Variants in COLQ observed in about 807,000 individuals in gnomAD.
The protein encoded by COLQ is acetylcholinesterase collagenic tail peptide.
A neutral mutation model predicts 69.0 loss-of-function variants in COLQ; 48 were observed. That is an observed-to-expected ratio of 0.70 (90% CI 0.55 to 0.88). The LOEUF is 0.88. Among genes scored for constraint, COLQ ranks in the 40% least tolerant of loss-of-function variants. COLQ has a pLI of 0.00. For synonymous variants in COLQ, 217 were observed against 211.2 expected, an observed-to-expected ratio of 1.03 and a Z score of -0.24; for missense variants, 618 against 594.6, an observed-to-expected ratio of 1.04 and a Z score of -0.41.
intron 1 of COLQ, among the ~76,000 whole-genome samples, chr3:15,502,763 ACTCTG>A (rs2062848984): frequency 6.6e-6 from 1 of 152,004 alleles, no homozygotes; most frequent in Admixed American, 6.6e-5. Flanking sequence ...GTTAAGAAGG[ACTCTG>A]AGGAAAGAGG....
At chr3:15,506,111 G>T (rs879736986) in intron 1 of COLQ, among the ~76,000 whole-genome samples, 1 of 152,180 alleles carries the variant, frequency 6.6e-6, no homozygotes, top group Admixed American at 6.5e-5. Context: ...GGAGCCTAGG[G>T]TTGATCCCTT....
At position 15,470,544 on chromosome 3, in the gene COLQ, C is replaced by T; in HGVS notation, c.709G>A (p.Gly237Ser). ...AGCCCTGGGATCCTTACCTGCTTGC[C>T]TCGTTTTCCTGGTCTTCCTGTGGGT... ...RGPTGRPGKR[G>S]KQGQKGDSGV... is the part of the protein sequence containing the mutation. Residue 237 changes from glycine (G) to serine (S), a missense_variant, in exon 11 of 17, where the codon GGC becomes AGC. Transcript: ENST00000383788. 1 of 1,613,850 alleles carries T rather than the reference C, an allele frequency of 6.2e-7. No individual in the cohort carries two copies.
chr3:15,456,007 A>G lies in COLQ; in HGVS notation c.1087T>C (p.Tyr363His), dbSNP rs756508281. The change falls in exon 15 of 17, where the codon TAC (tyrosine) becomes CAC (histidine). Residue 363 changes from tyrosine to histidine, a missense_variant. Physicochemically the swap from Tyr to His is moderately conservative, Grantham distance 83 (BLOSUM62 2). Coordinates refer to ENST00000383788, the MANE Select transcript of COLQ (RefSeq NM_005677.4). Reference sequence around the variant, plus strand: ...TGGTCTGCAGTGTAATCCACAGGGTAGAAAGGGGTCAGCTGGCCAAAGAAG... The same window carrying G: ...TGGTCTGCAGTGTAATCCACAGGGTGGAAAGGGGTCAGCTGGCCAAAGAAG... ...GWLPIQLTPF[Y>H]PVDYTADQHG... The G allele has an allele frequency of 1.5e-5, 25 of 1,613,708 alleles. No individual in the cohort carries two copies. In the African/African-American group the frequency reaches 3.1e-4, roughly 20 times the overall value.
chr3:15,479,684 T>C (rs954839960), intron 3 of COLQ, among the ~76,000 whole-genome samples: 3 of 152,218 alleles, frequency 2.0e-5, no homozygotes, highest in Admixed American at 6.5e-5. Context: ...CCCAAGTGCT[T>C]GTTGAGAGCA....
intron 15 of COLQ, among the ~76,000 whole-genome samples, chr3:15,455,021 T>A (rs999068530): frequency 3.3e-5 from 5 of 152,140 alleles, no homozygotes; most frequent in African/African-American, 7.2e-5. Flanking sequence ...CATCCAGCCC[T>A]GAGCCCCAGC....
Position 15,456,006 on chromosome 3 carries a change from T to G in COLQ, c.1088A>C (p.Tyr363Ser), listed in dbSNP as rs1043344843. The G allele has an allele frequency of 6.2e-7, 1 of 1,613,304 alleles. No homozygotes were observed. Among genetic ancestry groups the G allele is most frequent in the Non-Finnish European group, 8.5e-7 (1 of 1,179,856 alleles). The stretch of plus-strand genomic sequence containing the variant: ...CTGGTCTGCAGTGTAATCCACAGGG[T>G]AGAAAGGGGTCAGCTGGCCAAAGAA... ...GWLPIQLTPF[Y>S]PVDYTADQHG... The change falls in exon 15 of 17, where the codon TAC becomes TCC. Residue 363 changes from tyrosine (Y) to serine (S), a missense_variant. Tyr to Ser is a moderately radical substitution (Grantham distance 144). Coordinates refer to ENST00000383788, the MANE Select transcript of COLQ (RefSeq NM_005677.4).
intron 1 of COLQ, among the ~76,000 whole-genome samples, chr3:15,520,102 C>A (rs2063116514): frequency 6.6e-6 from 1 of 152,186 alleles, no homozygotes; most frequent in Admixed American, 6.5e-5. Flanking sequence ...TCAAAGGAAT[C>A]CATGACCCAA....
chr3:15,496,473 T>C (rs368454122), intron 1 of COLQ, among the ~76,000 whole-genome samples: 3 of 152,208 alleles, frequency 2.0e-5, no homozygotes, highest in Non-Finnish European at 4.4e-5. Context: ...GTCTTTCTCA[T>C]GGACTGTCTC....
chr3:15,513,876 G>A (rs1271815268), intron 1 of COLQ, among the ~76,000 whole-genome samples: 1 of 152,180 alleles, frequency 6.6e-6, no homozygotes, highest in African/African-American at 2.4e-5. Flanking sequence ...ATGGGACATT[G>A]TAGATATGAT....
At chr3:15,509,540 G>A (rs991335940) in intron 1 of COLQ, among the ~76,000 whole-genome samples, 4 of 152,190 alleles carry the variant, frequency 2.6e-5, no homozygotes, top group African/African-American at 9.7e-5. Flanking sequence ...AACTCAGAAT[G>A]GCTAAGGTGT....
intron 15 of COLQ, among the ~76,000 whole-genome samples, chr3:15,455,053 T>C (rs907238080): frequency 1.3e-5 from 2 of 152,172 alleles, no homozygotes; most frequent in African/African-American, 4.8e-5. Flanking sequence ...GAGCAGGGGC[T>C]TAAACCACAA....
At chr3:15,454,946 A>G (rs1353061612) in intron 15 of COLQ, among the ~76,000 whole-genome samples, 4 of 151,926 alleles carry the variant, frequency 2.6e-5, no homozygotes, top group African/African-American at 9.7e-5. Context: ...GATTACAGGC[A>G]TGAGCCACTG....
At chr3:15,457,686 C>G (rs1575462964) in intron 13 of COLQ, among the ~76,000 whole-genome samples, 2 of 151,770 alleles carry the variant, frequency 1.3e-5, no homozygotes, top group East Asian at 3.9e-4. Flanking sequence ...TATCTCAGCT[C>G]ACTGCAATCT....
Position 15,451,614 on chromosome 3 carries a change from G to A in COLQ, c.*30C>T. ...GTGGAGAAGCTGCTGCCAGTTCTGTGGGGCGCAGCCCACCTTCTCCTCACG... is the reference window on the plus strand; with the variant it reads ...GTGGAGAAGCTGCTGCCAGTTCTGTAGGGCGCAGCCCACCTTCTCCTCACG... On this transcript the variant is annotated 3_prime_UTR_variant, in exon 17 of 17. Transcript: ENST00000383788. 6.2e-7 allele frequency: 1 copy of A among 1,606,394 alleles called. No individual in the cohort carries two copies. Among genetic ancestry groups the A allele is most frequent in the South Asian group, 1.1e-5 (1 of 90,918 alleles).
At chr3:15,516,857 AAAG>A (rs754170814) in intron 1 of COLQ, among the ~76,000 whole-genome samples, 1 of 152,220 alleles carries the variant, frequency 6.6e-6, no homozygotes, top group South Asian at 2.1e-4. Context: ...AATGGAAAAT[AAAG>A]AATCCAGGCC....
intron 12 of COLQ, 140 bp downstream of exon 12, chr3:15,466,201 G>A: frequency 1.6e-6 from 1 of 639,842 alleles, no homozygotes; most frequent in South Asian, 1.9e-5. Context: ...AAATCGTGGA[G>A]AAATTACAAA....
chr3:15,482,770 G>A (rs1400781586), intron 3 of COLQ, among the ~76,000 whole-genome samples: 3 of 152,156 alleles, frequency 2.0e-5, no homozygotes, highest in African/African-American at 4.8e-5. Flanking sequence ...GATTGGAATC[G>A]TTTCAGAAAG....
chr3:15,492,038 C>T (rs996291055), intron 1 of COLQ, among the ~76,000 whole-genome samples: 1 of 146,088 alleles, frequency 6.8e-6, no homozygotes, highest in Non-Finnish European at 1.5e-5. Flanking sequence ...AACCTGGCAA[C>T]AGAGTGAGAC....
At chr3:15,471,171 G>A (rs2062280251) in intron 10 of COLQ, among the ~76,000 whole-genome samples, 1 of 152,158 alleles carries the variant, frequency 6.6e-6, no homozygotes, top group African/African-American at 2.4e-5. Context: ...AGTAAGCATT[G>A]GTTTGAGTTC....
Sources: gnomAD v4.1 joint callset for allele counts (sites outside exome capture counted in the v4.1 genomes callset) on GRCh38, gnomAD v4.1.1 for gene constraint, MANE v1.5 for transcripts, NCBI Gene and HGNC (gene_info 2026-07-23, HGNC 2026-07-21) for gene names.